PTPRG: variants seen among roughly 807,000 people sequenced by gnomAD.
The protein encoded by PTPRG is protein tyrosine phosphatase receptor type G.
In PTPRG, 102 loss-of-function variants were observed where a neutral mutation model predicts 165.3. That is an observed-to-expected ratio of 0.62 (90% CI 0.53 to 0.73). The LOEUF (loss-of-function observed/expected upper bound fraction) is 0.73, where lower values mean the gene tolerates loss of function less well. Among genes scored for constraint, PTPRG ranks in the 30% least tolerant of loss-of-function variants. The pLI, the probability that PTPRG is intolerant of heterozygous loss-of-function variation, is 0.00. For missense variants in PTPRG, 1,866 were observed against 1,861.4 expected, an observed-to-expected ratio of 1.00 and a Z score of -0.05; for synonymous variants, 675 against 669.5, an observed-to-expected ratio of 1.01 and a Z score of -0.13.
chr3:61,709,256 G>T (rs1335657062), intron 1 of PTPRG, among the ~76,000 whole-genome samples: 1 of 152,080 alleles, frequency 6.6e-6, no homozygotes, highest in Non-Finnish European at 1.5e-5. Flanking sequence ...GGCCATATAT[G>T]GCTTATTGGC....
At chr3:62,056,034 A>G (rs1245258056) in intron 4 of PTPRG, among the ~76,000 whole-genome samples, 2 of 152,256 alleles carry the variant, frequency 1.3e-5, no homozygotes, top group African/African-American at 4.8e-5. Context: ...ATTCAAATCC[A>G]AGTACATATG....
chr3:61,740,038 G>T (rs182724247), intron 1 of PTPRG, among the ~76,000 whole-genome samples: 1 of 152,216 alleles, frequency 6.6e-6, no homozygotes, highest in African/African-American at 2.4e-5. Flanking sequence ...CAAAAGTTCA[G>T]ATGGGTGGCC....
intron 1 of PTPRG, among the ~76,000 whole-genome samples, chr3:61,606,750 C>T (rs1356556566): frequency 1.3e-5 from 2 of 152,188 alleles, no homozygotes; most frequent in Non-Finnish European, 2.9e-5. Flanking sequence ...GGCAGCTTTC[C>T]TGGAGGCGCT....
chr3:61,977,274 G>T (rs1345697633), intron 2 of PTPRG, among the ~76,000 whole-genome samples: 1 of 151,556 alleles, frequency 6.6e-6, no homozygotes, highest in Non-Finnish European at 1.5e-5. Context: ...CCCCTGTTGA[G>T]AATGCATGCT....
At chr3:62,227,279 C>T (rs772809484) in intron 13 of PTPRG, among the ~76,000 whole-genome samples, 4 of 152,156 alleles carry the variant, frequency 2.6e-5, no homozygotes, top group Non-Finnish European at 4.4e-5. Flanking sequence ...GTCTACTTGA[C>T]GATGACTGGG....
At chr3:61,992,908 C>G (rs1368550638) in intron 3 of PTPRG, among the ~76,000 whole-genome samples, 1 of 152,196 alleles carries the variant, frequency 6.6e-6, no homozygotes, top group Non-Finnish European at 1.5e-5. Context: ...TTCAAGTGAT[C>G]TGCCTGCCTC....
At chr3:62,131,574 A>G (rs938376415) in intron 5 of PTPRG, among the ~76,000 whole-genome samples, 1 of 152,246 alleles carries the variant, frequency 6.6e-6, no homozygotes, top group Admixed American at 6.5e-5. Context: ...TCTCAACTTC[A>G]TTATGTGAGA....
At chr3:61,741,043 A>G (rs1325316216) in intron 1 of PTPRG, among the ~76,000 whole-genome samples, 1 of 152,210 alleles carries the variant, frequency 6.6e-6, no homozygotes, top group African/African-American at 2.4e-5. Flanking sequence ...TGATCAGAAT[A>G]TTTAATTACT....
chr3:61,901,348 C>T (rs2038494073), intron 2 of PTPRG, among the ~76,000 whole-genome samples: 1 of 152,182 alleles, frequency 6.6e-6, no homozygotes, highest in Non-Finnish European at 1.5e-5. Context: ...GAACTGCCTC[C>T]ATATTTGAGT....
At chr3:61,915,426 A>G (rs544546383) in intron 2 of PTPRG, among the ~76,000 whole-genome samples, 7 of 152,170 alleles carry the variant, frequency 4.6e-5, no homozygotes, top group Admixed American at 2.6e-4. Context: ...GTTGACTTCA[A>G]TATGGCAGTG....
At position 62,295,199 on chromosome 3, in the gene PTPRG, C is replaced by T. The variant is rs934059146; in HGVS notation, c.*1892C>T. 2.0e-5 allele frequency: 3 copies of T among 152,082 alleles called. No individual in the cohort carries two copies. Among genetic ancestry groups the T allele is most frequent in the African/African-American group, 4.8e-5 (2 of 41,410 alleles). 9.4% of individuals were successfully genotyped at this position (152,082 alleles called of 1,614,324 possible). A position where few individuals can be genotyped will look rare whatever the true frequency, so the allele number is the denominator to read the frequency against. ...ATGAGAGACACCTTTACAGCCCCTC[C>T]GCTCCAACCAGAGGTGACACAGGAA... On this transcript the variant is annotated 3_prime_UTR_variant, in exon 30 of 30. Coordinates refer to ENST00000474889, the MANE Select transcript of PTPRG (RefSeq NM_002841.4).
chr3:61,975,571 T>A (rs1251384096), intron 2 of PTPRG, among the ~76,000 whole-genome samples: 1 of 152,218 alleles, frequency 6.6e-6, no homozygotes, highest in African/African-American at 2.4e-5. Flanking sequence ...TCCATGACCA[T>A]TGTCAGTGAG....
intron 1 of PTPRG, among the ~76,000 whole-genome samples, chr3:61,731,204 G>C (rs1235376490): frequency 6.6e-6 from 1 of 152,090 alleles, no homozygotes; most frequent in African/African-American, 2.4e-5. Context: ...AAGGAAAAGA[G>C]AAAAAGTAGA....
chr3:62,107,785 C>T (rs1417003026), intron 5 of PTPRG, among the ~76,000 whole-genome samples: 1 of 152,170 alleles, frequency 6.6e-6, no homozygotes, highest in Admixed American at 6.5e-5. Flanking sequence ...TTATTGAGCA[C>T]CTATTTGTGC....
chr3:61,913,225 T>C (rs2107544462), intron 2 of PTPRG, among the ~76,000 whole-genome samples: 1 of 152,326 alleles, frequency 6.6e-6, no homozygotes, highest in East Asian at 1.9e-4. Flanking sequence ...GTTTTCTTTT[T>C]TATTTTTTTT....
intron 8 of PTPRG, among the ~76,000 whole-genome samples, chr3:62,184,197 C>T (rs1009699822): frequency 6.6e-5 from 10 of 152,206 alleles, no homozygotes; most frequent in African/African-American, 2.4e-4. Context: ...CAGAGCCGGG[C>T]CCAGGGCATG....
At chr3:61,803,870 C>T (rs1010918503) in intron 2 of PTPRG, among the ~76,000 whole-genome samples, 1 of 152,148 alleles carries the variant, frequency 6.6e-6, no homozygotes, top group Non-Finnish European at 1.5e-5. Context: ...GTCTTTTATA[C>T]TTGCTCTAGG....
intron 4 of PTPRG, among the ~76,000 whole-genome samples, chr3:62,053,032 A>G (rs1033463589): frequency 6.6e-6 from 1 of 152,146 alleles, no homozygotes; most frequent in Admixed American, 6.5e-5. Context: ...GAGTCTCTTG[A>G]ATCCATTCGC....
At chr3:62,222,000 C>G (rs1700662324) in intron 13 of PTPRG, among the ~76,000 whole-genome samples, 2 of 152,238 alleles carry the variant, frequency 1.3e-5, no homozygotes, top group Admixed American at 1.3e-4. Flanking sequence ...ATTCTCACAA[C>G]AGATCTGTAC....
Sources: allele counts gnomAD v4.1 joint callset (sites outside exome capture counted in the v4.1 genomes callset), GRCh38; gene constraint gnomAD v4.1.1; transcripts MANE v1.5; gene names NCBI Gene and HGNC (gene_info 2026-07-23, HGNC 2026-07-21).